PDGFA: variants seen among roughly 807,000 people sequenced by gnomAD.
PDGFA encodes the protein platelet derived growth factor subunit A, also known as platelet-derived growth factor subunit A.
In PDGFA, 9 loss-of-function variants were observed where a neutral mutation model predicts 25.6. That is an observed-to-expected ratio of 0.35 (90% CI 0.21 to 0.61). PDGFA has a LOEUF of 0.61. PDGFA is among the 20% of genes least tolerant of loss of function. The pLI, the probability that PDGFA is intolerant of heterozygous loss-of-function variation, is 0.75. For missense variants in PDGFA, 242 were observed against 272.8 expected, an observed-to-expected ratio of 0.89 and a Z score of 0.79; for synonymous variants, 133 against 111.8, an observed-to-expected ratio of 1.19 and a Z score of -1.20.
exon 6 of PDGFA, chr7:498,195 C>G: frequency 4.1e-6 from 1 of 244,458 alleles, no homozygotes; most frequent in South Asian, 7.2e-5. Context: ...ACCACCCGGA[C>G]AGAAATCCAG....
intron 4 of PDGFA, among the ~76,000 whole-genome samples, chr7:502,313 C>G (rs79536876): frequency 0.22 from 33,253 of 152,098 alleles, 3,931 homozygotes; most frequent in East Asian, 0.38. Context: ...ACTTGAGCGT[C>G]CAGATGATAA....
rs200805028 is a variant in PDGFA, at chr7:501,260, G to C, written c.454-18C>G. On this transcript the variant is annotated intron_variant, in intron 4 of 5. Transcript: ENST00000402802. ...TTGGCCACCTGCCAGAGAGAACAGA[G>C]CCCGGCCATGAATGCCTGCATGGAG... The C allele has an allele frequency of 1.9e-6, 3 of 1,613,594 alleles. No homozygotes were observed. In the East Asian group the frequency reaches 6.7e-5, roughly 36 times the overall value.
rs972842356 is a variant in PDGFA at position 517,738 on chromosome 7, C to A, written c.64-248G>T. Among the ~76,000 whole-genome samples, 2 of 151,764 alleles carry A rather than the reference C, an allele frequency of 1.3e-5. No homozygotes were observed. Among genetic ancestry groups the A allele is most frequent in the Non-Finnish European group, 2.9e-5 (2 of 67,880 alleles). On this transcript the variant is annotated intron_variant, in intron 1 of 5. Transcript: ENST00000402802. This position sits in a 1 kb window ranked among gnomAD's most constrained non-coding sequence, Gnocchi z 7.4. ...CCTTTGCAAAATCAAAGCCCCCCCC[C>A]CTTTATATTTTCAGACAAAAGCCCC...
chr7:519,430 GGCCGCCGCC>G (rs972270599), upstream of PDGFA: 369 of 160,726 alleles, frequency 2.3e-3, 3 homozygotes, highest in African/African-American at 8.2e-3. Flanking sequence ...GGGAGTCTGG[GGCCGCCGCC>G]GCCGCCGCCG....
exon 6 of PDGFA, chr7:497,429 CA>C (rs929933724): frequency 1.3e-5 from 2 of 152,044 alleles, no homozygotes; most frequent in African/African-American, 4.8e-5. Flanking sequence ...AATATCTTAC[CA>C]AAAATAAAGA....
chr7:519,667 C>A (rs1169100428), upstream of PDGFA, among the ~76,000 whole-genome samples: 1 of 145,508 alleles, frequency 6.9e-6, no homozygotes, highest in Non-Finnish European at 1.5e-5. Context: ...CGCCCGCGGC[C>A]GAGCCGCCTG....
intron 4 of PDGFA, among the ~76,000 whole-genome samples, chr7:507,288 G>T (rs1229410324): frequency 6.6e-6 from 1 of 152,228 alleles, no homozygotes; most frequent in African/African-American, 2.4e-5. Flanking sequence ...GGGCCGCCAG[G>T]CTCTGCTGCA....
At chr7:497,951 AAAAAAAAC>A (rs1782141921) in exon 6 of PDGFA, 2 of 115,286 alleles carry the variant, frequency 1.7e-5, no homozygotes, top group East Asian at 2.5e-4. Context: ...AAAAAAAAAA[AAAAAAAAC>A]AAAAAAAAAA....
chr7:507,868 C>A (rs1234781492), intron 4 of PDGFA, among the ~76,000 whole-genome samples: 1 of 152,148 alleles, frequency 6.6e-6, no homozygotes, highest in East Asian at 1.9e-4. Context: ...GAGTTAGGCC[C>A]TCCCCTCCCC....
At chr7:497,966 AAAAAAAAC>A (rs1782157229) in exon 6 of PDGFA, 5 of 133,496 alleles carry the variant, frequency 3.7e-5, no homozygotes, top group South Asian at 2.4e-4. Context: ...AAACAAAAAA[AAAAAAAAC>A]AAAACAAAAA....
At chr7:501,376 C>CACAAGG in intron 4 of PDGFA, 134 bp from the exon 5 acceptor site, 2 of 1,090,916 alleles carry the variant, frequency 1.8e-6, no homozygotes, top group Non-Finnish European at 2.7e-6. Context: ...GAAACACTAC[C>CACAAGG]TTGTGGTGGG....
exon 6 of PDGFA, chr7:498,029 G>A (rs1417686697): frequency 6.7e-6 from 1 of 148,966 alleles, no homozygotes; most frequent in Non-Finnish European, 1.5e-5. Flanking sequence ...TTTCTGTATG[G>A]GCTTAAATAC....
chr7:505,124 A>G (rs1311223302), intron 4 of PDGFA, among the ~76,000 whole-genome samples: 1 of 152,234 alleles, frequency 6.6e-6, no homozygotes. Context: ...CAAGAACACA[A>G]AATGAATATT....
rs189496444 is a variant in PDGFA at position 509,171 on chromosome 7, C to T, written c.453+1638G>A. On this transcript the variant is annotated intron_variant, in intron 4 of 5. Coordinates refer to ENST00000402802, the Ensembl canonical transcript of PDGFA. The stretch of plus-strand genomic sequence containing the variant: ...TGCTGTTCCTCCCCCAGCGCAACCC[C>T]AGGGAGGAAGGCCCTGCTGTGGCAG... 3.9e-5 allele frequency among the ~76,000 whole-genome samples: 6 copies of T among 152,356 alleles called. No homozygotes were observed. The East Asian group carries it at 1.2e-3, about 29-fold the overall frequency.
intron 2 of PDGFA, among the ~76,000 whole-genome samples, chr7:513,969 C>A (rs1289432068): frequency 1.3e-5 from 2 of 152,220 alleles, no homozygotes; most frequent in East Asian, 1.9e-4. Context: ...CCAACTGTTA[C>A]AAGCAGCATT....
intron 4 of PDGFA, among the ~76,000 whole-genome samples, chr7:504,894 C>T (rs748286369): frequency 1.3e-5 from 2 of 152,194 alleles, no homozygotes; most frequent in African/African-American, 2.4e-5. Flanking sequence ...CCACCGCGGG[C>T]GCGTGGGCTC....
chr7:498,517 A>T, exon 6 of PDGFA: 1 of 1,587,788 alleles, frequency 6.3e-7, no homozygotes, highest in Non-Finnish European at 8.6e-7. Flanking sequence ...TCAGGAATGT[A>T]ACACGCCATG....
chr7:510,796 G>GGGGAGGGGAA lies in PDGFA; in HGVS notation c.453+12_453+13insTTCCCCTCCC. The GGGGAGGGGAA allele has an allele frequency of 7.0e-7, 1 of 1,420,074 alleles. No individual in the cohort carries two copies. Among genetic ancestry groups the GGGGAGGGGAA allele is most frequent in the Non-Finnish European group, 9.5e-7 (1 of 1,052,162 alleles). The allele number at this position is 1,420,074 out of a possible 1,614,324, so 88.0% of individuals were successfully genotyped here. A position where few individuals can be genotyped will look rare whatever the true frequency, so the allele number is the denominator to read the frequency against. On this transcript the variant is annotated intron_variant, in intron 4 of 5. Transcript: ENST00000402802. ...GGGGAGGGGAGGGGAGGGGAGGGGAGGGGAGGGCTCACCTTGACGCTGCGG... is the reference window on the plus strand; with the variant it reads ...GGGGAGGGGAGGGGAGGGGAGGGGAGGGGAGGGGAAGGGAGGGCTCACCTTGACGCTGCGG...
chr7:510,856 T>A, exon 4 of PDGFA: 1 of 1,609,978 alleles, frequency 6.2e-7, no homozygotes, highest in South Asian at 1.1e-5. Flanking sequence ...TTGACACTGC[T>A]CGTGTTGCAG....
Sources: gnomAD v4.1 joint callset for allele counts (sites outside exome capture counted in the v4.1 genomes callset) on GRCh38, gnomAD v4.1.1 for gene constraint, Gnocchi (gnomAD v3.1) non-coding constraint, MANE v1.5 for transcripts, NCBI Gene and HGNC (gene_info 2026-07-23, HGNC 2026-07-21) for gene names.